OSBPL10: variants seen among roughly 807,000 people sequenced by gnomAD.
The protein encoded by OSBPL10 is oxysterol-binding protein-related protein 10.
OSBPL10 carries 49 observed loss-of-function variants against 81.7 expected under a neutral mutation model. The ratio of observed to expected loss-of-function variants is 0.60; its 90% confidence interval spans 0.48 to 0.76. The LOEUF is 0.76. Ranked by LOEUF, OSBPL10 falls within the 30% of genes least tolerant of loss-of-function variation. The probability of loss-of-function intolerance (pLI) is 0.00; values close to 1 mark genes in which losing one functional copy is unlikely to be tolerated. For synonymous variants in OSBPL10, 419 were observed against 383.6 expected (o/e 1.09, Z -1.08); for missense variants, 923 against 987.8 (o/e 0.93, Z 0.88).
intron 4 of OSBPL10, chr3:31,797,789 C>T (rs760923363): frequency 8.8e-6 from 4 of 456,330 alleles, no homozygotes; most frequent in South Asian, 6.2e-5. Flanking sequence ...CTTGACGATG[C>T]CAATGACTCT....
At chr3:32,073,070 T>G (rs1312906977) in intron 1 of OSBPL10, among the ~76,000 whole-genome samples, 1 of 152,090 alleles carries the variant, frequency 6.6e-6, no homozygotes, top group African/African-American at 2.4e-5. Context: ...GCCTCCATCT[T>G]AAAAAGGACT....
chr3:32,071,881 C>T (rs1435420869), intron 1 of OSBPL10, among the ~76,000 whole-genome samples: 1 of 152,164 alleles, frequency 6.6e-6, no homozygotes, highest in East Asian at 1.9e-4. Context: ...GCATTCACTG[C>T]ATTTCCCCAT....
At chr3:31,792,515 TTC>T (rs1248632806) in intron 4 of OSBPL10, among the ~76,000 whole-genome samples, 3 of 152,104 alleles carry the variant, frequency 2.0e-5, no homozygotes, top group Admixed American at 2.0e-4. Flanking sequence ...ATAGCAGCGT[TTC>T]TGTTTTGTTG....
At chr3:31,925,482 AT>A (rs34746076) in intron 1 of OSBPL10, among the ~76,000 whole-genome samples, 65,524 of 146,936 alleles carry the variant, frequency 0.45, 14,268 homozygotes, top group South Asian at 0.56. Context: ...CATGCAAAGC[AT>A]TTTTTTTTTT....
rs184821366 is a variant in OSBPL10, at chr3:31,782,328, C to T, written c.730-34208G>A. Among the ~76,000 whole-genome samples, 7 of 152,208 alleles carry T rather than the reference C, an allele frequency of 4.6e-5. No individual in the cohort carries two copies. In the East Asian group the frequency reaches 1.3e-3, roughly 29 times the overall value. On this transcript the variant is annotated intron_variant, in intron 4 of 11. Coordinates refer to ENST00000396556, the MANE Select transcript of OSBPL10 (RefSeq NM_017784.5). ...CTTAAATATAAGACCTAAAACCATA[C>T]AAATTCTAGACGATAACATGGGAAA...
chr3:31,670,983 C>T lies in OSBPL10; in HGVS notation c.1727G>A (p.Gly576Asp). 1 of 1,607,780 alleles carries T rather than the reference C, an allele frequency of 6.2e-7. No homozygotes were observed. The highest frequency in any genetic ancestry group is 8.5e-7 in the Non-Finnish European group (1 of 1,176,382). Residue 576 changes from glycine (G) to aspartate (D), a missense_variant and splice_region_variant, in exon 9 of 12, where the codon GGT (glycine) becomes GAT (aspartate). Gly to Asp is a moderately conservative substitution (Grantham distance 94, BLOSUM62 -1). Coordinates refer to ENST00000396556, the MANE Select transcript of OSBPL10 (RefSeq NM_017784.5). Reference sequence around the variant, plus strand: ...CCCGTGTTCCAGGAGCCTCAACACACCTCCAGGGAGAGAGGAGGGAGAGTT... The same window carrying T: ...CCCGTGTTCCAGGAGCCTCAACACATCTCCAGGGAGAGAGGAGGGAGAGTT... ...MSVGVSMIGE[G>D]VLRLLEHGEE...
At chr3:31,689,606 G>A (rs1389825561) in intron 7 of OSBPL10, among the ~76,000 whole-genome samples, 2 of 152,186 alleles carry the variant, frequency 1.3e-5, no homozygotes, top group Non-Finnish European at 2.9e-5. Context: ...TCGTGGGAGG[G>A]ACCCAGTGGG....
At chr3:31,914,782 C>A (rs1696701736) in intron 1 of OSBPL10, among the ~76,000 whole-genome samples, 2 of 152,126 alleles carry the variant, frequency 1.3e-5, no homozygotes, top group Non-Finnish European at 2.9e-5. Context: ...AAAATTCAAT[C>A]CCTCAGTCAT....
At chr3:31,815,795 A>C (rs1331518828) in intron 4 of OSBPL10, among the ~76,000 whole-genome samples, 1 of 152,220 alleles carries the variant, frequency 6.6e-6, no homozygotes, top group Non-Finnish European at 1.5e-5. Flanking sequence ...TGAGTGTCAC[A>C]GACATGAACT....
intron 1 of OSBPL10, among the ~76,000 whole-genome samples, chr3:31,965,831 T>TATAATATATATTATATAAAAAG (rs1698371362): frequency 3.6e-5 from 3 of 83,680 alleles, no homozygotes; most frequent in South Asian, 3.1e-4. Context: ...TATATAAATA[T>TATAATATATATTATATAAAAAG]ATAATATATA....
chr3:31,797,252 C>T (rs1190634017), intron 4 of OSBPL10, among the ~76,000 whole-genome samples: 2 of 152,188 alleles, frequency 1.3e-5, no homozygotes, highest in Admixed American at 6.5e-5. Context: ...TTCGGCCTCC[C>T]GAAGTGCTAG....
At chr3:31,912,406 A>AAT (rs1696607695) in intron 1 of OSBPL10, among the ~76,000 whole-genome samples, 1 of 151,622 alleles carries the variant, frequency 6.6e-6, no homozygotes. Context: ...GAAAAAAAAA[A>AAT]AAATTAAGGC....
At chr3:31,753,494 A>G (rs1697782006) in intron 4 of OSBPL10, among the ~76,000 whole-genome samples, 1 of 152,114 alleles carries the variant, frequency 6.6e-6, no homozygotes, top group Non-Finnish European at 1.5e-5. Flanking sequence ...CGCTTTATGG[A>G]TCATTAAACC....
At chr3:31,751,332 G>A (rs930303055) in intron 4 of OSBPL10, among the ~76,000 whole-genome samples, 7 of 152,130 alleles carry the variant, frequency 4.6e-5, no homozygotes, top group South Asian at 4.1e-4. Context: ...GGGCGACAGA[G>A]TGAGACCTTG....
chr3:32,021,519 G>T (rs1300570463), intron 2 of OSBPL10, among the ~76,000 whole-genome samples: 2 of 152,088 alleles, frequency 1.3e-5, no homozygotes, highest in Non-Finnish European at 2.9e-5. Context: ...TTTTATTTCA[G>T]CCATTCTGGT....
intron 10 of OSBPL10, among the ~76,000 whole-genome samples, chr3:31,667,458 T>C (rs1015801365): frequency 1.1e-4 from 17 of 152,250 alleles, no homozygotes; most frequent in African/African-American, 3.6e-4. Context: ...CAGTTATTAA[T>C]ATAATGTATT....
In OSBPL10 at chr3:31,812,786, GAAAGAAAGAAAGAAAGAAAGAA is replaced by G. The variant is rs1559476373; in HGVS notation, c.729+17232_729+17253del. On this transcript the variant is annotated intron_variant, in intron 4 of 11. Coordinates refer to ENST00000396556, the MANE Select transcript of OSBPL10 (RefSeq NM_017784.5). ...AGAAAGAAAGAAAGAAAGAAAGAAA[GAAAGAAAGAAAGAAAGAAAGAA>G]AGAAAGAAAGAGAAAGAAAGAAAGA... Among the ~76,000 whole-genome samples the G allele has an allele frequency of 2.0e-3, 90 of 45,210 alleles. 4 individuals are homozygous for G. Among genetic ancestry groups the G allele is most frequent in the African/African-American group, 8.7e-3 (87 of 9,962 alleles). 29.7% of individuals were successfully genotyped at this position (45,210 alleles called of 152,430 possible). A position where few individuals can be genotyped will look rare whatever the true frequency, so the allele number is the denominator to read the frequency against.
rs56846176 is a variant in OSBPL10, at chr3:31,783,111, TTATATATATATATATATATA to T, written c.730-35011_730-34992del. 5.8e-3 allele frequency among the ~76,000 whole-genome samples: 702 copies of T among 121,674 alleles called. 17 individuals carry two copies. The highest frequency in any genetic ancestry group is 0.022 in the African/African-American group (602 of 27,308). 79.8% of individuals were successfully genotyped at this position (121,674 alleles called of 152,430 possible). A position where few individuals can be genotyped will look rare whatever the true frequency, so the allele number is the denominator to read the frequency against. On this transcript the variant is annotated intron_variant, in intron 4 of 11. Transcript: ENST00000396556. Reference sequence around the variant, plus strand: ...GGATATATCTATATCAATATATCTATTATATATATATATATATATATATATATATATATATACACACACAC... The same window carrying T: ...GGATATATCTATATCAATATATCTATTATATATATATATATACACACACAC...
intron 4 of OSBPL10, among the ~76,000 whole-genome samples, chr3:31,768,192 C>T (rs1428794403): frequency 6.6e-6 from 1 of 152,074 alleles, no homozygotes; most frequent in East Asian, 1.9e-4. Flanking sequence ...TGTCTCTTAG[C>T]ATGTTAATGC....
Sources: allele counts gnomAD v4.1 joint callset (sites outside exome capture counted in the v4.1 genomes callset), GRCh38; gene constraint gnomAD v4.1.1; transcripts MANE v1.5; gene names NCBI Gene and HGNC (gene_info 2026-07-23, HGNC 2026-07-21).